Variants in THEMIS observed in about 807,000 individuals in gnomAD.
THEMIS encodes thymocyte selection associated.
A neutral mutation model predicts 52.6 loss-of-function variants in THEMIS; 37 were observed. The observed-to-expected ratio is 0.70, with a 90% CI of 0.54 to 0.93. The LOEUF (loss-of-function observed/expected upper bound fraction) is 0.93, where lower values mean the gene tolerates loss of function less well. Ranked by LOEUF, THEMIS falls within the 40% of genes least tolerant of loss-of-function variation. The pLI is 0.00. For missense variants in THEMIS, 808 were observed against 763.1 expected (o/e 1.06, Z -0.69); for synonymous variants, 292 against 272.7 (o/e 1.07, Z -0.70).
chr6:127,882,817 A>G (rs573429343), intron 1 of THEMIS, among the ~76,000 whole-genome samples: 44 of 152,060 alleles, frequency 2.9e-4, no homozygotes, highest in African/African-American at 9.1e-4. Flanking sequence ...GTGATTTTCA[A>G]ATTTGCCCTG....
chr6:127,910,983 G>C (rs924068314), intron 1 of THEMIS, among the ~76,000 whole-genome samples: 2 of 152,034 alleles, frequency 1.3e-5, no homozygotes, highest in African/African-American at 4.8e-5. Context: ...TACTGGTTAG[G>C]CATTTTGTAG....
At chr6:127,750,379 A>C (rs1331745421) in intron 4 of THEMIS, among the ~76,000 whole-genome samples, 1 of 151,706 alleles carries the variant, frequency 6.6e-6, no homozygotes, top group African/African-American at 2.4e-5. Flanking sequence ...CATTACAAGC[A>C]CTGATTTCAT....
intron 4 of THEMIS, among the ~76,000 whole-genome samples, chr6:127,772,585 G>C (rs1393390895): frequency 2.0e-5 from 3 of 152,068 alleles, no homozygotes; most frequent in African/African-American, 2.4e-5. Context: ...TTATCCTCTA[G>C]AAAGAATTTG....
At chr6:127,796,912 C>T (rs536584821) in intron 4 of THEMIS, among the ~76,000 whole-genome samples, 2 of 152,332 alleles carry the variant, frequency 1.3e-5, no homozygotes, top group Admixed American at 6.5e-5. Context: ...TCTAACTCTG[C>T]ATAAAATCAT....
At chr6:127,917,652 A>T (rs1381750363) in intron 1 of THEMIS, among the ~76,000 whole-genome samples, 1 of 152,206 alleles carries the variant, frequency 6.6e-6, no homozygotes, top group Non-Finnish European at 1.5e-5. Context: ...AGCCACAGTT[A>T]TATCATCTGA....
In THEMIS at chr6:127,825,228, A is replaced by G. The variant is rs906024636; in HGVS notation, c.709+4248T>C. ...TTGAAATTAAAGACAGAGAGAAGAG[A>G]AAATATAATTGAGTGGACATTATCA... On this transcript the variant is annotated intron_variant, in intron 3 of 5. Transcript: ENST00000368248. Among the ~76,000 whole-genome samples the G allele has an allele frequency of 2.6e-5, 4 of 152,150 alleles. No individual in the cohort carries two copies. The East Asian group carries it at 7.7e-4, about 29-fold the overall frequency.
intron 4 of THEMIS, among the ~76,000 whole-genome samples, chr6:127,781,536 T>G (rs1012532566): frequency 6.6e-6 from 1 of 152,172 alleles, no homozygotes; most frequent in African/African-American, 2.4e-5. Context: ...TTTATCTATC[T>G]TTTGTCTTTG....
intron 1 of THEMIS, among the ~76,000 whole-genome samples, chr6:127,880,959 G>T (rs372575893): frequency 6.6e-6 from 1 of 152,002 alleles, no homozygotes; most frequent in Non-Finnish European, 1.5e-5. Context: ...TAAAAGACGC[G>T]ATGATTCCAA....
At chr6:127,754,595 C>T (rs1775757819) in intron 4 of THEMIS, among the ~76,000 whole-genome samples, 1 of 152,186 alleles carries the variant, frequency 6.6e-6, no homozygotes. Flanking sequence ...ATATAATTTC[C>T]TCCATTCGGT....
intron 2 of THEMIS, among the ~76,000 whole-genome samples, chr6:127,852,183 A>G (rs1475161580): frequency 6.6e-6 from 1 of 151,550 alleles, no homozygotes; most frequent in Non-Finnish European, 1.5e-5. Context: ...CACTCCATCA[A>G]CAAGAGATAA....
chr6:127,789,350 C>A (rs551178774), intron 4 of THEMIS, among the ~76,000 whole-genome samples: 2 of 152,152 alleles, frequency 1.3e-5, no homozygotes, highest in South Asian at 4.2e-4. Flanking sequence ...CTGAATAGAT[C>A]GATTACAGGT....
At chr6:127,710,109 T>G (rs1423003925) in intron 5 of THEMIS, 93 bp from the exon 6 acceptor site, 1 of 761,654 alleles carries the variant, frequency 1.3e-6, no homozygotes, top group East Asian at 3.1e-5. Flanking sequence ...GACACTCACA[T>G]GCATATGGTT....
chr6:127,798,846 G>C (rs1255594436), intron 4 of THEMIS, among the ~76,000 whole-genome samples: 1 of 151,902 alleles, frequency 6.6e-6, no homozygotes, highest in Admixed American at 6.5e-5. Context: ...CAAAAAATTA[G>C]CTGGGCGTGG....
intron 4 of THEMIS, among the ~76,000 whole-genome samples, chr6:127,746,832 A>G (rs1775422355): frequency 4.7e-5 from 2 of 42,200 alleles, no homozygotes; most frequent in East Asian, 1.3e-3. Flanking sequence ...ATTATTATAT[A>G]ATTATATTAT....
intron 4 of THEMIS, among the ~76,000 whole-genome samples, chr6:127,793,986 C>A (rs1195381233): frequency 6.6e-6 from 1 of 152,140 alleles, no homozygotes; most frequent in Non-Finnish European, 1.5e-5. Context: ...CCCAAAAAAG[C>A]ATCGTATTTA....
At chr6:127,754,171 C>T (rs1351104163) in intron 4 of THEMIS, among the ~76,000 whole-genome samples, 1 of 152,194 alleles carries the variant, frequency 6.6e-6, no homozygotes, top group East Asian at 1.9e-4. Context: ...TACAAGTAGT[C>T]ACAACTTACA....
At chr6:127,776,328 G>T (rs943058475) in intron 4 of THEMIS, among the ~76,000 whole-genome samples, 6 of 152,176 alleles carry the variant, frequency 3.9e-5, no homozygotes, top group Non-Finnish European at 8.8e-5. Flanking sequence ...ATAGAATAAA[G>T]CAGATGTGAT....
chr6:127,815,113 C>T (rs1778080980), intron 3 of THEMIS, among the ~76,000 whole-genome samples: 1 of 152,062 alleles, frequency 6.6e-6, no homozygotes, highest in Admixed American at 6.5e-5. Flanking sequence ...ATCATACCCA[C>T]TGCATTTCAG....
chr6:127,809,867 G>C (rs182586393), intron 4 of THEMIS, among the ~76,000 whole-genome samples: 156 of 149,640 alleles, frequency 1.0e-3, no homozygotes, highest in Admixed American at 4.0e-3. Flanking sequence ...TCCAATTTTA[G>C]ATTATCACTC....
Sources: gnomAD v4.1 joint callset for allele counts (sites outside exome capture counted in the v4.1 genomes callset) on GRCh38, gnomAD v4.1.1 for gene constraint, MANE v1.5 for transcripts, NCBI Gene and HGNC (gene_info 2026-07-23, HGNC 2026-07-21) for gene names.